ERC2: variants seen among roughly 807,000 people sequenced by gnomAD.
ERC2 encodes ELKS/RAB6-interacting/CAST family member 2.
In ERC2, 42 loss-of-function variants were observed where a neutral mutation model predicts 114.8. The observed-to-expected ratio is 0.37, with a 90% CI of 0.29 to 0.47. ERC2 has a LOEUF of 0.47. Ranked by LOEUF, ERC2 falls within the 20% of genes least tolerant of loss-of-function variation. The pLI, the probability that ERC2 is intolerant of heterozygous loss-of-function variation, is 0.99. For missense variants in ERC2, 939 were observed against 1,150.7 expected (o/e 0.82, Z 2.66); for synonymous variants, 454 against 425.5 (o/e 1.07, Z -0.82).
intron 14 of ERC2, among the ~76,000 whole-genome samples, chr3:55,796,883 A>G (rs13319885): frequency 0.022 from 3,398 of 152,332 alleles, 139 homozygotes; most frequent in African/African-American, 0.077. Context: ...GTAAACTTCA[A>G]TAACTGTTTA....
chr3:55,546,343 A>G (rs1334148610), intron 17 of ERC2, among the ~76,000 whole-genome samples: 1 of 151,916 alleles, frequency 6.6e-6, no homozygotes, highest in Non-Finnish European at 1.5e-5. Flanking sequence ...TGTTTAAATC[A>G]TTTCCCAGTG....
chr3:55,771,964 C>CA (rs1223920392), intron 14 of ERC2, among the ~76,000 whole-genome samples: 1 of 152,174 alleles, frequency 6.6e-6, no homozygotes, highest in Non-Finnish European at 1.5e-5. Context: ...AAATATCCAT[C>CA]AGCGACCTGG....
chr3:56,208,903 C>T (rs2048893704), intron 3 of ERC2, among the ~76,000 whole-genome samples: 1 of 152,166 alleles, frequency 6.6e-6, no homozygotes, highest in Non-Finnish European at 1.5e-5. Flanking sequence ...CAGCCTCAGA[C>T]ACCAACTCCC....
intron 14 of ERC2, among the ~76,000 whole-genome samples, chr3:55,781,231 C>T (rs1022704003): frequency 1.3e-5 from 2 of 152,074 alleles, no homozygotes; most frequent in African/African-American, 4.8e-5. Context: ...TAGAGGACAC[C>T]CCATATTTAT....
chr3:56,130,271 G>A (rs73078464), intron 6 of ERC2, among the ~76,000 whole-genome samples: 4,662 of 152,132 alleles, frequency 0.031, 153 homozygotes, highest in African/African-American at 0.077. Flanking sequence ...GTGGTGGGGG[G>A]ACCCACACAA....
intron 6 of ERC2, among the ~76,000 whole-genome samples, chr3:56,083,497 A>G (rs2077347234): frequency 6.6e-6 from 1 of 152,212 alleles, no homozygotes; most frequent in Non-Finnish European, 1.5e-5. Flanking sequence ...CAAAATTGTC[A>G]AAACTCATTG....
At chr3:56,111,330 T>C (rs79692713) in intron 6 of ERC2, among the ~76,000 whole-genome samples, 21,730 of 145,484 alleles carry the variant, frequency 0.15, 1,700 homozygotes, top group African/African-American at 0.18. Flanking sequence ...TCTCTCTCTC[T>C]CTCAATCTCT....
intron 17 of ERC2, among the ~76,000 whole-genome samples, chr3:55,663,263 C>T (rs753691181): frequency 6.6e-6 from 1 of 152,220 alleles, no homozygotes; most frequent in Non-Finnish European, 1.5e-5. Flanking sequence ...CCTAACCCTA[C>T]ACAGCCCCTG....
chr3:56,369,214 T>C (rs2059268568), intron 2 of ERC2, among the ~76,000 whole-genome samples: 1 of 152,208 alleles, frequency 6.6e-6, no homozygotes, highest in Non-Finnish European at 1.5e-5. Context: ...TCCTCTTCTT[T>C]ATAATTTTTG....
intron 17 of ERC2, among the ~76,000 whole-genome samples, chr3:55,623,406 T>C (rs2059395166): frequency 1.3e-5 from 2 of 152,222 alleles, no homozygotes; most frequent in Non-Finnish European, 2.9e-5. Flanking sequence ...ACCCCAAGTT[T>C]CTCTTCAAAG....
intron 1 of ERC2, among the ~76,000 whole-genome samples, chr3:56,447,460 A>G (rs1486937966): frequency 6.6e-6 from 1 of 152,218 alleles, no homozygotes; most frequent in East Asian, 1.9e-4. Flanking sequence ...AAGGTTGGGA[A>G]GGCGGTCTAG....
chr3:55,705,401 T>A (rs1302103730), intron 15 of ERC2, among the ~76,000 whole-genome samples: 1 of 152,254 alleles, frequency 6.6e-6, no homozygotes, highest in East Asian at 1.9e-4. Context: ...TGCAAGTGTG[T>A]GTATGTGTGC....
At chr3:56,355,942 C>T (rs1327633586) in intron 2 of ERC2, among the ~76,000 whole-genome samples, 1 of 152,142 alleles carries the variant, frequency 6.6e-6, no homozygotes, top group African/African-American at 2.4e-5. Context: ...CTCTGAAATT[C>T]CTCAGGAGAA....
intron 12 of ERC2, among the ~76,000 whole-genome samples, chr3:55,952,174 C>CTCTATATAT (rs1171234318): frequency 1.8e-5 from 1 of 55,024 alleles, no homozygotes. Flanking sequence ...CACACACACA[C>CTCTATATAT]ACACACTCTC....
At chr3:56,403,283 G>C (rs1242160846) in intron 2 of ERC2, among the ~76,000 whole-genome samples, 1 of 152,184 alleles carries the variant, frequency 6.6e-6, no homozygotes, top group Non-Finnish European at 1.5e-5. Context: ...ACTCTTTTAA[G>C]TTCCAATAGT....
intron 3 of ERC2, among the ~76,000 whole-genome samples, chr3:56,224,948 A>C (rs1489347914): frequency 6.6e-6 from 1 of 151,668 alleles, no homozygotes; most frequent in Non-Finnish European, 1.5e-5. Flanking sequence ...TCTCCTATCA[A>C]CTCTTTTCTT....
intron 8 of ERC2, among the ~76,000 whole-genome samples, chr3:56,012,220 C>T (rs2072999169): frequency 6.6e-6 from 1 of 152,102 alleles, no homozygotes; most frequent in Non-Finnish European, 1.5e-5. Context: ...ACCTTGCTGC[C>T]TTTTGCCCAC....
At chr3:56,268,925 T>C (rs1193607349) in intron 3 of ERC2, among the ~76,000 whole-genome samples, 1 of 152,214 alleles carries the variant, frequency 6.6e-6, no homozygotes, top group Non-Finnish European at 1.5e-5. Context: ...TGTATATGTA[T>C]ATCAAAACAT....
At chr3:55,664,385 C>T (rs1468227737) in intron 17 of ERC2, among the ~76,000 whole-genome samples, 1 of 152,198 alleles carries the variant, frequency 6.6e-6, no homozygotes, top group Non-Finnish European at 1.5e-5. Flanking sequence ...TGTCAACAAG[C>T]TTGGTTTCTG....
Sources: gnomAD v4.1 joint callset for allele counts (sites outside exome capture counted in the v4.1 genomes callset) on GRCh38, gnomAD v4.1.1 for gene constraint, MANE v1.5 for transcripts, NCBI Gene and HGNC (gene_info 2026-07-23, HGNC 2026-07-21) for gene names.